EFNB2: variants seen among roughly 807,000 people sequenced by gnomAD.
EFNB2 encodes the protein ephrin B2.
A neutral mutation model predicts 32.1 loss-of-function variants in EFNB2; 5 were observed. The ratio of observed to expected loss-of-function variants is 0.16; its 90% CI spans 0.08 to 0.33. EFNB2 has a LOEUF of 0.33. EFNB2 is among the 10% of genes least tolerant of loss of function. The pLI is 1.00. For missense variants in EFNB2, 263 were observed against 422.6 expected (o/e 0.62, Z 3.31); for synonymous variants, 168 against 166.5 (o/e 1.01, Z -0.07).
chr13:106,526,309 C>T (rs963754797), intron 1 of EFNB2, among the ~76,000 whole-genome samples: 1 of 152,138 alleles, frequency 6.6e-6, no homozygotes, highest in Non-Finnish European at 1.5e-5. Context: ...TTACTGGATG[C>T]CAATGCTGGA....
In EFNB2 at chr13:106,535,626, C is replaced by A. The variant is rs996808870; in HGVS notation, c.-662G>T. 5 of 150,510 alleles carry A rather than the reference C, an allele frequency of 3.3e-5. No individual in the cohort carries two copies. The highest frequency in any genetic ancestry group is 1.3e-4 in the Admixed American group (2 of 15,144). The allele number at this position is 150,510 out of a possible 1,614,324, so 9.3% of individuals were successfully genotyped here. ...CCCGCTGCGTGCGCAGCTCCTCGCT[C>A]CGGCCGGCGCCGCGGTCCCCGCCGA... On this transcript the variant is annotated 5_prime_UTR_variant, in exon 1 of 5. Transcript: ENST00000646441.
At chr13:106,513,795 A>T (rs1437939597) in intron 1 of EFNB2, among the ~76,000 whole-genome samples, 1 of 152,158 alleles carries the variant, frequency 6.6e-6, no homozygotes, top group East Asian at 1.9e-4. Context: ...AGGCTCATTA[A>T]AATATTAAAG....
intron 1 of EFNB2, among the ~76,000 whole-genome samples, chr13:106,525,748 A>T (rs1434667101): frequency 2.6e-5 from 4 of 151,908 alleles, no homozygotes; most frequent in African/African-American, 9.7e-5. Flanking sequence ...GCTTGCTCCC[A>T]CCTGGGCTTC....
At chr13:106,530,780 G>A (rs967949731) in intron 1 of EFNB2, among the ~76,000 whole-genome samples, 5 of 152,094 alleles carry the variant, frequency 3.3e-5, no homozygotes, top group African/African-American at 1.2e-4. Context: ...GAAGCTCTCG[G>A]GAGCTACCTG....
chr13:106,531,111 C>T (rs1879855688), intron 1 of EFNB2, among the ~76,000 whole-genome samples: 1 of 152,198 alleles, frequency 6.6e-6, no homozygotes, highest in African/African-American at 2.4e-5. Flanking sequence ...GCGTCAACAG[C>T]TTATGCTTTG....
chr13:106,495,962 C>A, intron 2 of EFNB2, 122 bp from the exon 3 acceptor site: 2 of 936,104 alleles, frequency 2.1e-6, no homozygotes, highest in South Asian at 1.8e-5. Flanking sequence ...CACTCTTAGT[C>A]ACAAGTTTTC....
At chr13:106,512,304 G>GT (rs57001546) in intron 2 of EFNB2, among the ~76,000 whole-genome samples, 127,742 of 140,270 alleles carry the variant, frequency 0.91, 58,216 homozygotes, top group Middle Eastern at 0.95. Context: ...GAATTCTAGT[G>GT]TTTTTTTTTC....
In EFNB2 at chr13:106,490,814, C is replaced by T. The variant is rs1878377274; in HGVS notation, c.*2226G>A. On this transcript the variant is annotated 3_prime_UTR_variant, in exon 5 of 5. Coordinates refer to ENST00000646441, the MANE Select transcript of EFNB2 (RefSeq NM_004093.4). Reference sequence around the variant, plus strand: ...CACATGTATACCACGCACCCACTCACACATACACACACGCACTTTGGACCA... The same window carrying T: ...CACATGTATACCACGCACCCACTCATACATACACACACGCACTTTGGACCA... 1 of 152,438 alleles carries T rather than the reference C, an allele frequency of 6.6e-6. No individual in the cohort carries two copies. Among genetic ancestry groups the T allele is most frequent in the Non-Finnish European group, 1.5e-5 (1 of 68,018 alleles). 9.4% of individuals were successfully genotyped at this position (152,438 alleles called of 1,614,324 possible).
intron 2 of EFNB2, among the ~76,000 whole-genome samples, chr13:106,504,559 T>C (rs1878888907): frequency 6.6e-6 from 1 of 152,198 alleles, no homozygotes; most frequent in African/African-American, 2.4e-5. Flanking sequence ...TTCTATCCTC[T>C]AAGAATCCAG....
At chr13:106,506,437 G>C (rs1238096088) in intron 2 of EFNB2, 3 of 152,156 alleles carry the variant, frequency 2.0e-5, no homozygotes, top group Non-Finnish European at 4.4e-5. Flanking sequence ...TCTTACAAAG[G>C]ATCTGCTAAC....
chr13:106,505,462 T>G (rs1878921071), intron 2 of EFNB2, among the ~76,000 whole-genome samples: 1 of 152,190 alleles, frequency 6.6e-6, no homozygotes, highest in South Asian at 2.1e-4. Flanking sequence ...CTAAGACCTG[T>G]GTTTCTAGAC....
chr13:106,492,068 C>G lies in EFNB2; in HGVS notation c.*972G>C, dbSNP rs1025668007. 3.3e-5 allele frequency: 5 copies of G among 152,652 alleles called. No homozygotes were observed. Among genetic ancestry groups the G allele is most frequent in the African/African-American group, 1.2e-4 (5 of 41,434 alleles). The allele number at this position is 152,652 out of a possible 1,614,324, so 9.5% of individuals were successfully genotyped here. A position where few individuals can be genotyped will look rare whatever the true frequency, so the allele number is the denominator to read the frequency against. On this transcript the variant is annotated 3_prime_UTR_variant, in exon 5 of 5. Transcript: ENST00000646441. The surrounding 1 kb of genome is among the most constrained non-coding windows in gnomAD (Gnocchi z 5.1). ...CAAGCCTGTTCCTTTCCCAACAATA[C>G]CCGTCTTTGTTCCCCGGAATGAAGA...
At chr13:106,495,899 G>T in intron 2 of EFNB2, 59 bp from the exon 3 acceptor site, 2 of 1,490,218 alleles carry the variant, frequency 1.3e-6, no homozygotes. Flanking sequence ...AAATCAATAA[G>T]CCAAGTTTAC....
Position 106,490,937 on chromosome 13 carries a change from C to A in EFNB2, c.*2103G>T, listed in dbSNP as rs1346133528. ...AGGTCTGAGAACCTTAAAATGCTGTCGCTACATTTTTTTTCCCTTCCAATT... is the reference window on the plus strand; with the variant it reads ...AGGTCTGAGAACCTTAAAATGCTGTAGCTACATTTTTTTTCCCTTCCAATT... On this transcript the variant is annotated 3_prime_UTR_variant, in exon 5 of 5. Transcript: ENST00000646441. 5 of 40,904 alleles carry A rather than the reference C, an allele frequency of 1.2e-4. No individual in the cohort carries two copies. The highest frequency in any genetic ancestry group is 2.9e-4 in the Non-Finnish European group (5 of 17,280). 2.5% of individuals were successfully genotyped at this position (40,904 alleles called of 1,614,324 possible).
chr13:106,505,394 G>C (rs1485006227), intron 2 of EFNB2, among the ~76,000 whole-genome samples: 10 of 152,274 alleles, frequency 6.6e-5, no homozygotes, highest in African/African-American at 2.2e-4. Context: ...ATGGCCAACT[G>C]AATTGTACTA....
At chr13:106,500,681 G>A (rs922623506) in intron 2 of EFNB2, among the ~76,000 whole-genome samples, 5 of 152,178 alleles carry the variant, frequency 3.3e-5, no homozygotes, top group African/African-American at 9.7e-5. Flanking sequence ...AGCATTTTAT[G>A]AACATTCTCT....
At position 106,495,904 on chromosome 13, in the gene EFNB2, G is replaced by A. The variant is rs529989588; in HGVS notation, c.407-64C>T. On this transcript the variant is annotated intron_variant, in intron 2 of 4. Transcript: ENST00000646441. ...AAAAATCAGGAAATCAATAAGCCAAGTTTACATGAACATGAAATGTCTGAA... is the reference window on the plus strand; with the variant it reads ...AAAAATCAGGAAATCAATAAGCCAAATTTACATGAACATGAAATGTCTGAA... 1,231 of 1,437,524 alleles carry A rather than the reference G, an allele frequency of 8.6e-4. 2 individuals carry two copies. Among genetic ancestry groups the A allele is most frequent in the Non-Finnish European group, 9.0e-4 (928 of 1,034,878 alleles). The allele number at this position is 1,437,524 out of a possible 1,614,324, so 89.0% of individuals were successfully genotyped here. A position where few individuals can be genotyped will look rare whatever the true frequency, so the allele number is the denominator to read the frequency against.
chr13:106,509,200 T>G (rs1319045161), intron 2 of EFNB2, among the ~76,000 whole-genome samples: 1 of 152,196 alleles, frequency 6.6e-6, no homozygotes, highest in East Asian at 1.9e-4. Context: ...GGACTCTAGG[T>G]TCCTGGTTTA....
At chr13:106,519,736 G>C (rs1879436394) in intron 1 of EFNB2, 1 of 152,132 alleles carries the variant, frequency 6.6e-6, no homozygotes, top group Admixed American at 6.5e-5. Flanking sequence ...CTGAATGGTG[G>C]ACTTAGAATG....
Sources: allele counts gnomAD v4.1 joint callset (sites outside exome capture counted in the v4.1 genomes callset), GRCh38; gene constraint gnomAD v4.1.1; non-coding constraint Gnocchi (gnomAD v3.1); transcripts MANE v1.5; gene names NCBI Gene and HGNC (gene_info 2026-07-23, HGNC 2026-07-21).